Variants in PRH1 observed in about 807,000 individuals in gnomAD.
The protein encoded by PRH1 is salivary acidic proline-rich phosphoprotein 1/2.
In PRH1, 7 loss-of-function variants were observed where a neutral mutation model predicts 7.9. The observed-to-expected ratio is 0.89, with a 90% confidence interval of 0.50 to 1.67. PRH1 has a LOEUF of 1.67. PRH1 is among the 40% of genes most tolerant of loss of function. PRH1 has a pLI of 0.00. For missense variants in PRH1, 109 were observed against 223.6 expected (o/e 0.49, Z 3.27); for synonymous variants, 45 against 80.8 (o/e 0.56, Z 2.38).
exon 1 of PRH1, chr12:11,047,026 T>C (rs1027019358): frequency 5.9e-6 from 3 of 508,984 alleles, no homozygotes; most frequent in Non-Finnish European, 1.2e-5. Context: ...TCACCTCATA[T>C]GGATAGATGG....
chr12:11,052,520 T>C (rs915454173), intron 1 of PRH1, among the ~76,000 whole-genome samples: 1 of 152,158 alleles, frequency 6.6e-6, no homozygotes, highest in East Asian at 1.9e-4. Context: ...AGTTTGTGAT[T>C]ACTAAAGATA....
intron 1 of PRH1, among the ~76,000 whole-genome samples, chr12:11,007,445 C>T (rs1940881417): frequency 6.6e-6 from 1 of 152,104 alleles, no homozygotes; most frequent in Non-Finnish European, 1.5e-5. Flanking sequence ...TAATATTTAT[C>T]AAACATATTT....
At chr12:10,909,290 A>C (rs1236392470) in intron 2 of PRH1, 1 of 1,611,264 alleles carries the variant, frequency 6.2e-7, no homozygotes, top group East Asian at 2.2e-5. Context: ...TCGGCAGGGC[A>C]CTTTCCATGT....
intron 1 of PRH1, among the ~76,000 whole-genome samples, chr12:11,162,977 T>G (rs1689494669): frequency 6.6e-6 from 1 of 152,146 alleles, no homozygotes; most frequent in Non-Finnish European, 1.5e-5. Flanking sequence ...TATAGTACTA[T>G]GAAGTGATAC....
intron 2 of PRH1, among the ~76,000 whole-genome samples, chr12:10,926,911 T>C (rs981700572): frequency 6.6e-6 from 1 of 152,068 alleles, no homozygotes; most frequent in South Asian, 2.1e-4. Context: ...TAGAAGGGAA[T>C]TGTGTTGTTG....
chr12:11,042,486 T>TAA (rs140733298), intron 1 of PRH1, among the ~76,000 whole-genome samples: 20,407 of 94,666 alleles, frequency 0.22, 2,074 homozygotes, highest in East Asian at 0.23. Flanking sequence ...TCTCCCAGTT[T>TAA]AAAAAAAAAA....
At chr12:10,939,047 G>C in intron 2 of PRH1, 1 of 1,613,966 alleles carries the variant, frequency 6.2e-7, no homozygotes, top group Non-Finnish European at 8.5e-7. Context: ...GCTAATTCGA[G>C]AGATTGCCAA....
chr12:10,908,522 GT>G, intron 2 of PRH1: 1 of 1,613,874 alleles, frequency 6.2e-7, no homozygotes, highest in African/African-American at 1.3e-5. Context: ...AGATCACTGT[GT>G]TCTGATACAG....
At chr12:11,128,702 G>A (rs900770295) in intron 1 of PRH1, among the ~76,000 whole-genome samples, 4 of 152,122 alleles carry the variant, frequency 2.6e-5, no homozygotes, top group Non-Finnish European at 4.4e-5. Flanking sequence ...TCGAGATCAC[G>A]CCACTGCACT....
At chr12:11,056,361 A>G (rs779984197) in intron 1 of PRH1, among the ~76,000 whole-genome samples, 2 of 152,246 alleles carry the variant, frequency 1.3e-5, no homozygotes, top group Non-Finnish European at 2.9e-5. Flanking sequence ...AGATGTTAAA[A>G]TCAGTCTCCA....
intron 1 of PRH1, chr12:10,986,281 A>G (rs1939620997): frequency 2.5e-6 from 4 of 1,614,110 alleles, no homozygotes; most frequent in Admixed American, 3.3e-5. Flanking sequence ...ATCAGAAAAG[A>G]TATCAGGGAC....
chr12:10,922,163 C>T lies in PRH1; in HGVS notation c.-58-37888G>A, dbSNP rs144192043. 2.3e-3 allele frequency among the ~76,000 whole-genome samples: 354 copies of T among 152,200 alleles called. 1 individual carries two copies. The highest frequency in any genetic ancestry group is 8.1e-3 in the African/African-American group (337 of 41,520). Reference sequence around the variant, plus strand: ...ACACCTAAACCACCTAGAACAGTACCATGTACTAAGTAAGCGCAAGGTACA... The same window carrying T: ...ACACCTAAACCACCTAGAACAGTACTATGTACTAAGTAAGCGCAAGGTACA... On this transcript the variant is annotated intron_variant, in intron 2 of 3. Coordinates refer to the PRH1 transcript ENST00000539853.
chr12:11,102,837 T>G lies in PRH1; in HGVS notation n.124-55649A>C, dbSNP rs534981374. 5.9e-5 allele frequency among the ~76,000 whole-genome samples: 9 copies of G among 152,140 alleles called. No individual in the cohort carries two copies. The East Asian group carries it at 1.4e-3, about 23-fold the overall frequency. On this transcript the variant is annotated intron_variant and non_coding_transcript_variant, in intron 1 of 4. Coordinates refer to the PRH1 transcript ENST00000541977. The stretch of plus-strand genomic sequence containing the variant: ...AGAATCTACAAAGAACTTAAACAAA[T>G]TTACAAGAAAAAAATCAAACAACCC...
intron 2 of PRH1, among the ~76,000 whole-genome samples, chr12:10,906,067 C>A (rs937276438): frequency 3.9e-5 from 6 of 152,082 alleles, no homozygotes; most frequent in African/African-American, 1.5e-4. Flanking sequence ...ACTCCTCTCA[C>A]TTACCTAACT....
chr12:10,908,722 C>T, intron 2 of PRH1: 3 of 1,613,796 alleles, frequency 1.9e-6, no homozygotes, highest in Non-Finnish European at 2.5e-6. Context: ...ATGAAGGCCA[C>T]AGTAAATGGT....
intron 2 of PRH1, among the ~76,000 whole-genome samples, chr12:10,903,939 A>AAAAAAAAAAAAAAAAAAC: frequency 6.9e-6 from 1 of 144,336 alleles, no homozygotes; most frequent in Non-Finnish European, 1.5e-5. Flanking sequence ...CTCAAAAAAA[A>AAAAAAAAAAAAAAAAAAC]AAAAAAAAAA....
At chr12:10,906,695 C>G (rs10845240) in intron 2 of PRH1, among the ~76,000 whole-genome samples, 74,667 of 152,056 alleles carry the variant, frequency 0.49, 20,769 homozygotes, top group East Asian at 0.72. Context: ...CTGTCATTCT[C>G]TCTTCACTGC....
intron 2 of PRH1, among the ~76,000 whole-genome samples, chr12:10,930,491 C>G (rs1335746291): frequency 6.6e-6 from 1 of 152,096 alleles, no homozygotes; most frequent in African/African-American, 2.4e-5. Context: ...TTTCACCACC[C>G]TAATGTGGAT....
At chr12:11,044,423 T>C (rs1942834269) in intron 1 of PRH1, among the ~76,000 whole-genome samples, 1 of 151,810 alleles carries the variant, frequency 6.6e-6, no homozygotes, top group Admixed American at 6.6e-5. Context: ...GGGAACCAAG[T>C]CAAAAATGCA....
Sources: allele counts gnomAD v4.1 joint callset (sites outside exome capture counted in the v4.1 genomes callset), GRCh38; gene constraint gnomAD v4.1.1; transcripts MANE v1.5; gene names NCBI Gene and HGNC (gene_info 2026-07-23, HGNC 2026-07-21).